CRB2: variants seen among roughly 807,000 people sequenced by gnomAD.
The protein encoded by CRB2 is protein crumbs homolog 2.
In CRB2, 85 loss-of-function variants were observed where a neutral mutation model predicts 110.9. The observed-to-expected ratio is 0.77, with a 90% confidence interval of 0.64 to 0.92. The LOEUF (loss-of-function observed/expected upper bound fraction) is 0.92. Ranked by LOEUF, CRB2 falls within the 40% of genes least tolerant of loss-of-function variation. The pLI is 0.00. For synonymous variants in CRB2, 907 were observed against 831.0 expected, an observed-to-expected ratio of 1.09 and a Z score of -1.57; for missense variants, 1,843 against 1,851.3, an observed-to-expected ratio of 1.00 and a Z score of 0.08.
At position 123,370,765 on chromosome 9, in the gene CRB2, T is replaced by A; in HGVS notation, c.1712T>A (p.Leu571Gln). 6.2e-7 allele frequency: 1 copy of A among 1,602,764 alleles called. No individual in the cohort carries two copies. The highest frequency in any genetic ancestry group is 8.5e-7 in the Non-Finnish European group (1 of 1,179,944). Reference protein sequence around the residue: ...PLPAGISSAQLGDATFAGCLQ... With the variant: ...PLPAGISSAQQGDATFAGCLQ... ...CCTGCCGGGATCTCCTCTGCCCAGC[T>A]GGGGGACGCGACCTTTGCAGGCTGC... The change falls in exon 7 of 13, where the codon CTG (leucine) becomes CAG (glutamine). Residue 571 changes from leucine (L) to glutamine (Q), a missense_variant. Leu to Gln is a moderately radical substitution (Grantham distance 113). Transcript: ENST00000373631.
chr9:123,371,154 C>A lies in CRB2; in HGVS notation c.2012C>A (p.Thr671Lys). ...LLQELPGPNL[T>K]VSFLLRTRES... ...CAAGAGCTGCCAGGTCCCAACCTCA[C>A]AGTGTCTTTCCTTCTCCGCACTCGG... The change falls in exon 8 of 13, where the codon ACA becomes AAA. Residue 671 changes from threonine (T) to lysine (K), a missense_variant. Physicochemically the swap from Thr to Lys is moderately conservative, Grantham distance 78. Transcript: ENST00000373631. The A allele has an allele frequency of 6.2e-7, 1 of 1,613,734 alleles. No homozygotes were observed. Among genetic ancestry groups the A allele is most frequent in the Non-Finnish European group, 8.5e-7 (1 of 1,180,028 alleles).
chr9:123,374,242 C>T, intron 10 of CRB2: 1 of 592,906 alleles, frequency 1.7e-6, no homozygotes, highest in Non-Finnish European at 3.0e-6. Context: ...CCTTATTCAT[C>T]TGGCAGTGGC....
Position 123,371,021 on chromosome 9 carries a change from G to A in CRB2, c.1927+41G>A, listed in dbSNP as rs762937577. On this transcript the variant is annotated intron_variant, in intron 7 of 12. Transcript: ENST00000373631. Reference sequence around the variant, plus strand: ...GGTGGGAAGGCAGCACCTGAGATCTGCCTCCCTCAGCCTGCAGGCCTCACA... The same window carrying A: ...GGTGGGAAGGCAGCACCTGAGATCTACCTCCCTCAGCCTGCAGGCCTCACA... 51 of 1,594,676 alleles carry A rather than the reference G, an allele frequency of 3.2e-5. No individual in the cohort carries two copies. In the South Asian group the frequency reaches 5.2e-4, roughly 16 times the overall value.
rs1360945529 is a variant in CRB2 at position 123,377,168 on chromosome 9, C to A, written c.*106C>A. The A allele has an allele frequency of 9.2e-7, 1 of 1,083,908 alleles. No individual in the cohort carries two copies. The highest frequency in any genetic ancestry group is 1.3e-6 in the Non-Finnish European group (1 of 772,942). 67.1% of individuals were successfully genotyped at this position (1,083,908 alleles called of 1,614,324 possible). A position where few individuals can be genotyped will look rare whatever the true frequency, so the allele number is the denominator to read the frequency against. On this transcript the variant is annotated 3_prime_UTR_variant, in exon 13 of 13. Coordinates refer to ENST00000373631, the MANE Select transcript of CRB2 (RefSeq NM_173689.7). ...TCGGGACATTGCTACGGAAGTGTCC[C>A]CTTGGCTGGCAGCCTCTGCCTCTGC...
At chr9:123,376,502 C>CCCTGCT (rs766650710) in intron 12 of CRB2, among the ~76,000 whole-genome samples, 3 of 152,086 alleles carry the variant, frequency 2.0e-5, no homozygotes, top group Admixed American at 6.5e-5. Context: ...CTCAGCCTGC[C>CCCTGCT]CCTGCTCCTG....
rs537269911 is a variant in CRB2, at chr9:123,366,056, C to T, written c.558C>T (p.Asp186=). Residue 186 remains aspartate, a synonymous_variant, in exon 3 of 13, where the codon GAC becomes GAT. Coordinates refer to ENST00000373631, the MANE Select transcript of CRB2 (RefSeq NM_173689.7). Reference sequence around the variant, plus strand: ...GCACCCGTTGCCAGCTGGACCTCGACGAGTGCCAGAGCCAGCCGTGCGCAC... The same window carrying T: ...GCACCCGTTGCCAGCTGGACCTCGATGAGTGCCAGAGCCAGCCGTGCGCAC... The part of the protein sequence containing the change: ...YGGTRCQLDL[D]ECQSQPCAHG... 9 of 1,578,832 alleles carry T rather than the reference C, an allele frequency of 5.7e-6. No individual in the cohort carries two copies. The highest frequency in any genetic ancestry group is 1.7e-4 in the Middle Eastern group (1 of 5,916).
At chr9:123,366,206 C>G in intron 3 of CRB2, 21 bp from the exon 4 acceptor site, 1 of 1,406,662 alleles carries the variant, frequency 7.1e-7, no homozygotes, top group Non-Finnish European at 9.2e-7. Context: ...GCGCTCAGCT[C>G]CGCCGGTGCG....
In CRB2 at chr9:123,366,118, C is replaced by A. The variant is rs1380380785; in HGVS notation, c.614+6C>A. 7.0e-7 allele frequency: 1 copy of A among 1,436,952 alleles called. No individual in the cohort carries two copies. The highest frequency in any genetic ancestry group is 9.1e-7 in the Non-Finnish European group (1 of 1,101,466). 89.0% of individuals were successfully genotyped at this position (1,436,952 alleles called of 1,614,324 possible). ...TGCCACGACCTGGTCAACGGGTGAG[C>A]GAGCGGCGGGGCAGGCGGCAGGGGC... On this transcript the variant is annotated splice_donor_region_variant and intron_variant, in intron 3 of 12. Coordinates refer to ENST00000373631, the MANE Select transcript of CRB2 (RefSeq NM_173689.7).
intron 1 of CRB2, among the ~76,000 whole-genome samples, chr9:123,358,140 G>A (rs1366007931): frequency 6.6e-6 from 1 of 152,228 alleles, no homozygotes; most frequent in Non-Finnish European, 1.5e-5. Flanking sequence ...CGGGAGGGGA[G>A]GGATTGGGGA....
At chr9:123,366,502 C>T in intron 4 of CRB2, 136 bp downstream of exon 4, 1 of 1,112,050 alleles carries the variant, frequency 9.0e-7, no homozygotes, top group African/African-American at 1.7e-5. Context: ...TGTGTGATTG[C>T]AACCTGTCGG....
Position 123,363,195 on chromosome 9 carries a change from G to A in CRB2, c.418+7G>A, listed in dbSNP as rs1235332701. 2 of 1,594,078 alleles carry A rather than the reference G, an allele frequency of 1.3e-6. No individual in the cohort carries two copies. Among genetic ancestry groups the A allele is most frequent in the South Asian group, 1.1e-5 (1 of 90,218 alleles). On this transcript the variant is annotated splice_region_variant and intron_variant, in intron 2 of 12. Transcript: ENST00000373631. ...TGCCCCCTTGGCTATGCAGGTAACAGCCTGGGCCGCCCTGGGAGGAGGTCT... is the reference window on the plus strand; with the variant it reads ...TGCCCCCTTGGCTATGCAGGTAACAACCTGGGCCGCCCTGGGAGGAGGTCT...
rs1397110860 is a variant in CRB2, at chr9:123,370,285, G to C, written c.1232G>C (p.Cys411Ser). 6.2e-7 allele frequency: 1 copy of C among 1,613,152 alleles called. No homozygotes were observed. The highest frequency in any genetic ancestry group is 1.3e-5 in the African/African-American group (1 of 74,884). ...CACACCTGCCCGCTGGCTGCCACCT[G>C]CATCCCTATCTTCGAGTCTGGGGTC... ...QGHTCPLAAT[C>S]IPIFESGVHS... Residue 411 changes from cysteine to serine, a missense_variant, in exon 7 of 13, where the codon TGC (cysteine) becomes TCC (serine). Cys to Ser is a moderately radical substitution (Grantham distance 112). Coordinates refer to ENST00000373631, the MANE Select transcript of CRB2 (RefSeq NM_173689.7).
At chr9:123,359,430 GTTTTTGTT>G (rs1357193721) in intron 1 of CRB2, among the ~76,000 whole-genome samples, 15 of 98,008 alleles carry the variant, frequency 1.5e-4, no homozygotes, top group African/African-American at 7.1e-4. Context: ...GTGGTTTTTC[GTTTTTGTT>G]TTGTTTTTTT....
rs745803632 is a variant in CRB2 at position 123,371,271 on chromosome 9, C to T, written c.2129C>T (p.Pro710Leu). 23 of 1,613,782 alleles carry T rather than the reference C, an allele frequency of 1.4e-5. No homozygotes were observed. Among genetic ancestry groups the T allele is most frequent in the African/African-American group, 6.7e-5 (5 of 74,940 alleles). ...LSEGRIRAEV[P>L]GSPAVVLPGR... is the part of the protein sequence containing the mutation. ...GAGGGTCGGATCCGGGCTGAGGTGC[C>T]GGGCAGTCCTGCTGTAGTGCTCCCT... The change falls in exon 8 of 13, where the codon CCG (proline) becomes CTG (leucine). Residue 710 changes from proline to leucine, a missense_variant. By Grantham distance (98) the Pro-to-Leu change is moderately conservative. Transcript: ENST00000373631.
intron 1 of CRB2, among the ~76,000 whole-genome samples, chr9:123,361,411 G>A (rs2041867589): frequency 6.6e-6 from 1 of 152,226 alleles, no homozygotes; most frequent in South Asian, 2.1e-4. Flanking sequence ...CTTTCCTGGG[G>A]GAGCTGGAAG....
chr9:123,376,762 C>A (rs545120227), intron 12 of CRB2, 76 bp from the exon 13 acceptor site: 4 of 1,338,688 alleles, frequency 3.0e-6, no homozygotes, highest in Non-Finnish European at 4.1e-6. Context: ...CCTTGTGCTG[C>A]GCTCTCTGCT....
At chr9:123,368,940 C>A in intron 6 of CRB2, 1 of 1,246,600 alleles carries the variant, frequency 8.0e-7, no homozygotes, top group Non-Finnish European at 1.0e-6. Flanking sequence ...CCTGTGGCTC[C>A]TGGCAGGTAT....
intron 1 of CRB2, 24 bp from the exon 2 acceptor site, chr9:123,362,841 C>A: frequency 1.3e-6 from 2 of 1,550,264 alleles, no homozygotes; most frequent in Non-Finnish European, 8.8e-7. Context: ...CCCACCCTGC[C>A]CAGCCAGTTT....
At position 123,367,210 on chromosome 9, in the gene CRB2, T is replaced by A; in HGVS notation, c.793T>A (p.Cys265Ser). The change falls in exon 5 of 13, where the codon TGT becomes AGT. Residue 265 changes from cysteine to serine, a missense_variant. Transcript: ENST00000373631. Reference protein sequence around the residue: ...GELCEVDEDECASSPCQHGGR... With the variant: ...GELCEVDEDESASSPCQHGGR... The stretch of plus-strand genomic sequence containing the variant: ...GCTGTGCGAGGTGGACGAGGACGAG[T>A]GTGCATCGAGCCCCTGCCAGCATGG... 6.2e-7 allele frequency: 1 copy of A among 1,601,650 alleles called. No individual in the cohort carries two copies. Among genetic ancestry groups the A allele is most frequent in the Non-Finnish European group, 8.5e-7 (1 of 1,178,324 alleles).
Sources: allele counts gnomAD v4.1 joint callset (sites outside exome capture counted in the v4.1 genomes callset), GRCh38; gene constraint gnomAD v4.1.1; transcripts MANE v1.5; gene names NCBI Gene and HGNC (gene_info 2026-07-23, HGNC 2026-07-21).